INA: variants seen among roughly 807,000 people sequenced by gnomAD.
INA encodes internexin neuronal intermediate filament protein alpha.
In INA, 35 loss-of-function variants were observed where a neutral mutation model predicts 40.1. The ratio of observed to expected loss-of-function variants is 0.87; its 90% CI spans 0.67 to 1.16. The LOEUF (loss-of-function observed/expected upper bound fraction) is 1.16, where lower values mean the gene tolerates loss of function less well. INA is among the 50% of genes most tolerant of loss of function. INA has a pLI of 0.00. For synonymous variants in INA, 290 were observed against 316.9 expected (o/e 0.92, Z 0.90); for missense variants, 594 against 686.7 (o/e 0.87, Z 1.51).
chr10:103,284,755 G>GA (rs551020044), intron 1 of INA, among the ~76,000 whole-genome samples: 9,211 of 139,514 alleles, frequency 0.066, 622 homozygotes, highest in African/African-American at 0.18. Context: ...CTCCATCTCG[G>GA]AAAAAAAAAA....
chr10:103,284,047 G>A (rs997127295), intron 1 of INA, among the ~76,000 whole-genome samples: 3 of 151,286 alleles, frequency 2.0e-5, no homozygotes, highest in Non-Finnish European at 4.4e-5. Flanking sequence ...GGGATTACAG[G>A]CATGAGCCAC....
Position 103,280,444 on chromosome 10 carries a change from A to G in INA, c.1065+2168A>G, listed in dbSNP as rs148165645. ...CAAGGTGAAAAGCCTCCCTTTCTACAGTGAGATTTAGCCATTGTTTTCTTG... is the reference window on the plus strand; with the variant it reads ...CAAGGTGAAAAGCCTCCCTTTCTACGGTGAGATTTAGCCATTGTTTTCTTG... On this transcript the variant is annotated intron_variant, in intron 1 of 2. Transcript: ENST00000369849. 1,444 of 985,454 alleles carry G rather than the reference A, an allele frequency of 1.5e-3. 2 individuals carry two copies. The highest frequency in any genetic ancestry group is 1.7e-3 in the Non-Finnish European group (1,391 of 829,932). 61.0% of individuals were successfully genotyped at this position (985,454 alleles called of 1,614,324 possible).
intron 1 of INA, among the ~76,000 whole-genome samples, chr10:103,285,588 G>T (rs1055285656): frequency 6.8e-6 from 1 of 147,052 alleles, no homozygotes; most frequent in Non-Finnish European, 1.5e-5. Context: ...GAGCCATCAT[G>T]CCTGGCAGGA....
At chr10:103,284,837 T>G (rs973553444) in intron 1 of INA, among the ~76,000 whole-genome samples, 4 of 152,164 alleles carry the variant, frequency 2.6e-5, no homozygotes, top group African/African-American at 9.7e-5. Context: ...AGTGCTTTTT[T>G]TCTAATTTGC....
At chr10:103,286,672 A>T (rs2093086903) in intron 1 of INA, among the ~76,000 whole-genome samples, 1 of 151,728 alleles carries the variant, frequency 6.6e-6, no homozygotes, top group Admixed American at 6.6e-5. Context: ...CAACACAACA[A>T]GCAAGGGAGG....
chr10:103,289,455 T>C lies in INA; in HGVS notation c.*786T>C, dbSNP rs765623563. 1.3e-5 allele frequency: 2 copies of C among 152,680 alleles called. No individual in the cohort carries two copies. The highest frequency in any genetic ancestry group is 2.9e-5 in the Non-Finnish European group (2 of 68,044). The allele number at this position is 152,680 out of a possible 1,614,324, so 9.5% of individuals were successfully genotyped here. ...AATAATGCAAAGAATCCCTAGACTT[T>C]AGGCTTTCAGCTTACACAAATCTAT... On this transcript the variant is annotated 3_prime_UTR_variant, in exon 3 of 3. Transcript: ENST00000369849.
chr10:103,279,354 A>G (rs376103027), intron 1 of INA, among the ~76,000 whole-genome samples: 4 of 152,108 alleles, frequency 2.6e-5, no homozygotes, highest in South Asian at 2.1e-4. Flanking sequence ...TATTTTTTCC[A>G]TATTTCCCTG....
chr10:103,284,865 G>A (rs943262561), intron 1 of INA, among the ~76,000 whole-genome samples: 1 of 152,196 alleles, frequency 6.6e-6, no homozygotes, highest in East Asian at 1.9e-4. Context: ...TCCTGCATGG[G>A]CCAGTAGCTG....
chr10:103,277,832 G>C lies in INA; in HGVS notation c.621G>C (p.Thr207=), dbSNP rs1054260455. 1 of 1,543,440 alleles carries C rather than the reference G, an allele frequency of 6.5e-7. No individual in the cohort carries two copies. Among genetic ancestry groups the C allele is most frequent in the Non-Finnish European group, 8.7e-7 (1 of 1,146,532 alleles). Reference sequence around the variant, plus strand: ...AGCAGCGCGACGTGGACGGCGCCACGCTGGCCCGCCTGGACCTGGAGAAGA... The same window carrying C: ...AGCAGCGCGACGTGGACGGCGCCACCCTGGCCCGCCTGGACCTGGAGAAGA... ...KAQQRDVDGA[T]LARLDLEKKV... is the part of the protein sequence containing the mutation. The change falls in exon 1 of 3, where the codon ACG becomes ACC. Residue 207 remains threonine, a synonymous_variant. Transcript: ENST00000369849. This position sits in a 1 kb window ranked among gnomAD's most constrained non-coding sequence, Gnocchi z 5.6.
At chr10:103,286,014 T>A (rs1224738971) in intron 1 of INA, among the ~76,000 whole-genome samples, 1 of 151,770 alleles carries the variant, frequency 6.6e-6, no homozygotes, top group East Asian at 1.9e-4. Flanking sequence ...AGCAATGAAC[T>A]TGGTATAGTT....
In INA at chr10:103,280,738, G is replaced by T. The variant is rs959645651; in HGVS notation, c.1065+2462G>T. 7.1e-6 allele frequency: 7 copies of T among 985,326 alleles called. No individual in the cohort carries two copies. In the African/African-American group the frequency reaches 1.0e-4, roughly 15 times the overall value. The allele number at this position is 985,326 out of a possible 1,614,324, so 61.0% of individuals were successfully genotyped here. On this transcript the variant is annotated intron_variant, in intron 1 of 2. Transcript: ENST00000369849. ...ATAGTGGATGAGAGAGTCTGAATCAGGCAAGAGAAGAGATTAGGAAGAGCT... is the reference window on the plus strand; with the variant it reads ...ATAGTGGATGAGAGAGTCTGAATCATGCAAGAGAAGAGATTAGGAAGAGCT...
Position 103,277,144 on chromosome 10 carries a change from C to A in INA, c.-68C>A. ...GGGCGCACCGCCCCGCCGCGCCCTG[C>A]CTGCCGCACCTCTCCTTTCTTCTGT... On this transcript the variant is annotated 5_prime_UTR_variant, in exon 1 of 3. Coordinates refer to ENST00000369849, the MANE Select transcript of INA (RefSeq NM_032727.4). This position sits in a 1 kb window ranked among gnomAD's most constrained non-coding sequence, Gnocchi z 5.6. 1.4e-6 allele frequency: 2 copies of A among 1,471,990 alleles called. No individual in the cohort carries two copies. The highest frequency in any genetic ancestry group is 8.9e-7 in the Non-Finnish European group (1 of 1,117,962). The allele number at this position is 1,471,990 out of a possible 1,614,324, so 91.2% of individuals were successfully genotyped here.
chr10:103,277,273 A>T lies in INA; in HGVS notation c.62A>T (p.Asp21Val). 6.3e-7 allele frequency: 1 copy of T among 1,591,216 alleles called. No individual in the cohort carries two copies. The highest frequency in any genetic ancestry group is 8.5e-7 in the Non-Finnish European group (1 of 1,173,632). The change falls in exon 1 of 3, where the codon GAT (aspartate) becomes GTT (valine). Residue 21 changes from aspartate (D) to valine (V), a missense_variant. By Grantham distance (152) the Asp-to-Val change is radical. Coordinates refer to ENST00000369849, the MANE Select transcript of INA (RefSeq NM_032727.4). This position sits in a 1 kb window ranked among gnomAD's most constrained non-coding sequence, Gnocchi z 5.6. ...SSSSYRKVFG[D>V]GSRLSARLSG... ...TCCTCCTACCGCAAGGTGTTCGGGG[A>T]TGGCTCTCGCCTGTCCGCCCGCCTC... is the stretch of plus-strand genomic sequence containing the variant.
intron 1 of INA, chr10:103,280,517 C>T (rs570388557): frequency 1.0e-6 from 1 of 985,344 alleles, no homozygotes; most frequent in South Asian, 4.7e-5. Flanking sequence ...GGAGGCTGTT[C>T]TCCTTCTTCT....
At chr10:103,286,275 G>A (rs572538421) in intron 1 of INA, among the ~76,000 whole-genome samples, 14 of 144,042 alleles carry the variant, frequency 9.7e-5, no homozygotes, top group African/African-American at 3.4e-4. Flanking sequence ...TTTTGAGGCT[G>A]CAGTGAGCTG....
chr10:103,282,742 T>TAA (rs34821970), intron 1 of INA, among the ~76,000 whole-genome samples: 9 of 144,584 alleles, frequency 6.2e-5, no homozygotes, highest in Non-Finnish European at 1.3e-4. Context: ...AAATTGTTAT[T>TAA]AAAAAAAAAA....
intron 2 of INA, 43 bp from the exon 3 acceptor site, chr10:103,288,317 A>G (rs747707656): frequency 6.6e-7 from 1 of 1,523,646 alleles, no homozygotes. Context: ...TGGGGGGGAA[A>G]AGTTATTGAC....
intron 1 of INA, among the ~76,000 whole-genome samples, chr10:103,285,052 C>T (rs1001498607): frequency 3.3e-5 from 5 of 152,040 alleles, no homozygotes; most frequent in Admixed American, 1.3e-4. Flanking sequence ...GGCACGATCT[C>T]GGCTCACTGC....
Position 103,289,639 on chromosome 10 carries a change from G to T in INA, c.*970G>T, listed in dbSNP as rs542624350. On this transcript the variant is annotated 3_prime_UTR_variant, in exon 3 of 3. Coordinates refer to ENST00000369849, the MANE Select transcript of INA (RefSeq NM_032727.4). Reference sequence around the variant, plus strand: ...TGGAAAAAGCCAAGGTGTCATTTATGTGTCAGTTCATTTGTGGTGATATAG... The same window carrying T: ...TGGAAAAAGCCAAGGTGTCATTTATTTGTCAGTTCATTTGTGGTGATATAG... The T allele has an allele frequency of 9.2e-5, 14 of 152,626 alleles. No homozygotes were observed. Among genetic ancestry groups the T allele is most frequent in the African/African-American group, 3.1e-4 (13 of 41,556 alleles). The allele number at this position is 152,626 out of a possible 1,614,324, so 9.5% of individuals were successfully genotyped here.
Sources: allele counts gnomAD v4.1 joint callset (sites outside exome capture counted in the v4.1 genomes callset), GRCh38; gene constraint gnomAD v4.1.1; non-coding constraint Gnocchi (gnomAD v3.1); transcripts MANE v1.5; gene names NCBI Gene and HGNC (gene_info 2026-07-23, HGNC 2026-07-21).